The following BANK1 variants were observed in gnomAD, a reference collection of about 807,000 sequenced individuals.
BANK1 encodes the protein B cell scaffold protein with ankyrin repeats 1, also known as B-cell scaffold protein with ankyrin repeats.
In BANK1, 95 loss-of-function variants were observed where a neutral mutation model predicts 94.5. The observed-to-expected ratio is 1.00, with a 90% CI of 0.85 to 1.19. The LOEUF is 1.19. BANK1 is among the 50% of genes most tolerant of loss of function. The pLI is 0.00. For synonymous variants in BANK1, 334 were observed against 308.4 expected (o/e 1.08, Z -0.87); for missense variants, 987 against 932.2 (o/e 1.06, Z -0.77).
intron 13 of BANK1, among the ~76,000 whole-genome samples, chr4:102,065,947 A>G (rs1248496320): frequency 6.6e-6 from 1 of 152,130 alleles, no homozygotes; most frequent in Non-Finnish European, 1.5e-5. Flanking sequence ...GCATTCTAAA[A>G]TGCATGTAAT....
chr4:102,029,835 C>CTA, intron 9 of BANK1, 125 bp from the exon 10 acceptor site: 1 of 823,824 alleles, frequency 1.2e-6, no homozygotes, highest in Non-Finnish European at 1.9e-6. Flanking sequence ...ACGAGCTCTT[C>CTA]TCTAATACTG....
intron 1 of BANK1, among the ~76,000 whole-genome samples, chr4:101,821,242 A>G (rs1726134360): frequency 6.6e-6 from 1 of 152,114 alleles, no homozygotes; most frequent in Non-Finnish European, 1.5e-5. Context: ...GGCCACATGT[A>G]TGTCTTCTTT....
chr4:101,828,292 C>G (rs996419836), intron 1 of BANK1, among the ~76,000 whole-genome samples: 10 of 150,806 alleles, frequency 6.6e-5, no homozygotes, highest in African/African-American at 2.4e-4. Context: ...TATTTATTTC[C>G]TATGTCTTTC....
At chr4:101,986,863 A>ATGTG (rs1392667047) in intron 7 of BANK1, among the ~76,000 whole-genome samples, 35 of 44,370 alleles carry the variant, frequency 7.9e-4, no homozygotes, top group African/African-American at 2.9e-3. Flanking sequence ...ATGTATATAT[A>ATGTG]TATGTGTGTA....
chr4:102,030,327 A>T (rs1727253319), intron 10 of BANK1, 62 bp downstream of exon 10: 1 of 1,469,162 alleles, frequency 6.8e-7, no homozygotes, highest in African/African-American at 1.4e-5. Flanking sequence ...TGAGGATGGG[A>T]GGAGGGGATA....
At chr4:101,981,380 A>G (rs1578434587) in intron 7 of BANK1, among the ~76,000 whole-genome samples, 1 of 152,194 alleles carries the variant, frequency 6.6e-6, no homozygotes, top group South Asian at 2.1e-4. Context: ...AGTTGAATAG[A>G]TTTAATAATA....
intron 7 of BANK1, among the ~76,000 whole-genome samples, chr4:102,001,435 A>G (rs1372149260): frequency 2.6e-5 from 4 of 152,190 alleles, no homozygotes; most frequent in Admixed American, 2.6e-4. Context: ...CCCAGTCTCT[A>G]CTAAGAATAC....
At chr4:102,030,483 G>A (rs745670825) in intron 10 of BANK1, among the ~76,000 whole-genome samples, 8 of 150,124 alleles carry the variant, frequency 5.3e-5, no homozygotes, top group African/African-American at 1.7e-4. Context: ...TGTGCAGAAC[G>A]TGCAGTCTTG....
At chr4:102,045,299 AAG>A (rs1727842090) in intron 11 of BANK1, among the ~76,000 whole-genome samples, 5 of 152,156 alleles carry the variant, frequency 3.3e-5, no homozygotes, top group Admixed American at 1.3e-4. Context: ...TCAAAATAAT[AAG>A]AGCGTATCTA....
At position 102,074,118 on chromosome 4, in the gene BANK1, A is replaced by T. The variant is rs888336777; in HGVS notation, c.*119A>T. The T allele has an allele frequency of 6.0e-6, 1 of 165,776 alleles. No individual in the cohort carries two copies. The highest frequency in any genetic ancestry group is 2.4e-5 in the African/African-American group (1 of 41,710). 10.3% of individuals were successfully genotyped at this position (165,776 alleles called of 1,614,324 possible). A position where few individuals can be genotyped will look rare whatever the true frequency, so the allele number is the denominator to read the frequency against. On this transcript the variant is annotated 3_prime_UTR_variant, in exon 17 of 17. Coordinates refer to ENST00000322953, the MANE Select transcript of BANK1 (RefSeq NM_017935.5). ...GAATTCATACTATGACAGCAGAAAC[A>T]AAACTTCAGATTTCAGAATTTGTTA...
chr4:101,984,527 A>G (rs1338749530), intron 7 of BANK1, among the ~76,000 whole-genome samples: 1 of 152,130 alleles, frequency 6.6e-6, no homozygotes, highest in African/African-American at 2.4e-5. Context: ...ATTTGCAATA[A>G]AAGTGCTAAG....
At chr4:101,809,401 C>T (rs1309887351) in intron 1 of BANK1, among the ~76,000 whole-genome samples, 6 of 152,104 alleles carry the variant, frequency 3.9e-5, no homozygotes, top group Non-Finnish European at 8.8e-5. Context: ...ACAGTGTACA[C>T]TGCTTAGGTG....
At chr4:101,902,340 A>G (rs1722315043) in intron 6 of BANK1, among the ~76,000 whole-genome samples, 1 of 152,212 alleles carries the variant, frequency 6.6e-6, no homozygotes, top group Admixed American at 6.5e-5. Flanking sequence ...TTTAGTTGAA[A>G]TATTATTCTA....
At chr4:101,799,143 G>A (rs189175801) in intron 1 of BANK1, among the ~76,000 whole-genome samples, 1 of 152,248 alleles carries the variant, frequency 6.6e-6, no homozygotes, top group African/African-American at 2.4e-5. Context: ...TTTGTGTAAG[G>A]TGTAAGGAAG....
At chr4:102,052,717 T>C (rs1560710431) in intron 11 of BANK1, among the ~76,000 whole-genome samples, 1 of 152,190 alleles carries the variant, frequency 6.6e-6, no homozygotes, top group Admixed American at 6.5e-5. Flanking sequence ...TCTAAGGCGG[T>C]ATGTGTTAAT....
At chr4:101,958,563 A>G (rs1298001829) in intron 7 of BANK1, among the ~76,000 whole-genome samples, 2 of 149,426 alleles carry the variant, frequency 1.3e-5, no homozygotes, top group Non-Finnish European at 3.0e-5. Flanking sequence ...ATTTCAAAGG[A>G]CTACTTTTCT....
chr4:101,951,853 C>T (rs1724169628), intron 7 of BANK1, among the ~76,000 whole-genome samples: 1 of 141,212 alleles, frequency 7.1e-6, no homozygotes, highest in Admixed American at 7.0e-5. Flanking sequence ...ACTCAGAACC[C>T]ATTTAGATTT....
At chr4:102,042,251 T>C (rs892723865) in intron 10 of BANK1, among the ~76,000 whole-genome samples, 4 of 152,086 alleles carry the variant, frequency 2.6e-5, no homozygotes, top group Non-Finnish European at 5.9e-5. Context: ...TCCTAACGTA[T>C]AGTCATACAT....
chr4:101,979,904 A>G (rs1400893259), intron 7 of BANK1, among the ~76,000 whole-genome samples: 1 of 151,856 alleles, frequency 6.6e-6, no homozygotes, highest in African/African-American at 2.4e-5. Flanking sequence ...AGTATTACTC[A>G]GATGAAACAT....
Sources: gnomAD v4.1 joint callset for allele counts (sites outside exome capture counted in the v4.1 genomes callset) on GRCh38, gnomAD v4.1.1 for gene constraint, MANE v1.5 for transcripts, NCBI Gene and HGNC (gene_info 2026-07-23, HGNC 2026-07-21) for gene names.